Variants in JMJD1C observed in about 807,000 individuals in gnomAD.
JMJD1C encodes the protein jumonji domain containing 1C.
A neutral mutation model predicts 245.3 loss-of-function variants in JMJD1C; 31 were observed. The ratio of observed to expected loss-of-function variants is 0.13; its 90% confidence interval spans 0.09 to 0.17. JMJD1C has a LOEUF of 0.17. Ranked by LOEUF, JMJD1C falls within the 10% of genes least tolerant of loss-of-function variation. JMJD1C has a pLI of 1.00. For missense variants in JMJD1C, 2,691 were observed against 3,000.2 expected (o/e 0.90, Z 2.41); for synonymous variants, 1,057 against 1,017.4 (o/e 1.04, Z -0.74).
At chr10:63,354,738 C>T (rs565979871) in intron 2 of JMJD1C, among the ~76,000 whole-genome samples, 9 of 150,728 alleles carry the variant, frequency 6.0e-5, no homozygotes, top group East Asian at 3.9e-4. Flanking sequence ...ACAGCAGCTG[C>T]GTGTGGTGGC....
At chr10:63,381,804 A>G (rs1947240391) in intron 1 of JMJD1C, among the ~76,000 whole-genome samples, 1 of 152,192 alleles carries the variant, frequency 6.6e-6, no homozygotes, top group Non-Finnish European at 1.5e-5. Context: ...TATCAAGTAA[A>G]GCAATTTACA....
At chr10:63,249,282 CT>C (rs1190356652) in intron 3 of JMJD1C, among the ~76,000 whole-genome samples, 1 of 152,090 alleles carries the variant, frequency 6.6e-6, no homozygotes, top group Non-Finnish European at 1.5e-5. Flanking sequence ...CACCATTGCA[CT>C]TCAGCCTGGG....
chr10:63,377,257 A>T (rs1335093297), intron 2 of JMJD1C, among the ~76,000 whole-genome samples: 1 of 152,176 alleles, frequency 6.6e-6, no homozygotes, highest in African/African-American at 2.4e-5. Context: ...GGGAATAAGG[A>T]ACTGCTCTTT....
At chr10:63,360,924 AC>A (rs1205038010) in intron 2 of JMJD1C, among the ~76,000 whole-genome samples, 8 of 152,106 alleles carry the variant, frequency 5.3e-5, no homozygotes, top group Non-Finnish European at 1.0e-4. Context: ...AGCTGGGATT[AC>A]ATGCGTGAGC....
At chr10:63,413,413 TAA>T (rs1949604439) in intron 1 of JMJD1C, among the ~76,000 whole-genome samples, 1 of 152,214 alleles carries the variant, frequency 6.6e-6, no homozygotes. Context: ...TATTATAGTT[TAA>T]TATGTGTAGA....
rs141640924 is a variant in JMJD1C at position 63,278,596 on chromosome 10, C to T, written c.334-13832G>A. Among the ~76,000 whole-genome samples, 132 of 151,960 alleles carry T rather than the reference C, an allele frequency of 8.7e-4. 1 individual carries two copies. In the South Asian group the frequency reaches 9.4e-3, roughly 11 times the overall value. ...ACTGATTAGTAGTACTGTTGCCGAG[C>T]GTGTGATCCCAGCACCTTTAGGAGG... On this transcript the variant is annotated intron_variant, in intron 2 of 25. Coordinates refer to ENST00000399262, the MANE Select transcript of JMJD1C (RefSeq NM_032776.3).
intron 2 of JMJD1C, among the ~76,000 whole-genome samples, chr10:63,311,887 A>C (rs1939251997): frequency 6.6e-6 from 1 of 152,142 alleles, no homozygotes; most frequent in Non-Finnish European, 1.5e-5. Context: ...GCTGCACGGT[A>C]CATAGTTAGG....
intron 1 of JMJD1C, among the ~76,000 whole-genome samples, chr10:63,440,832 C>T (rs1320071452): frequency 2.0e-5 from 3 of 152,172 alleles, no homozygotes; most frequent in African/African-American, 7.2e-5. Context: ...GTGGTAACTG[C>T]TTCATACAAT....
intron 1 of JMJD1C, 186 bp downstream of exon 1, chr10:63,465,309 G>T: frequency 1.5e-6 from 1 of 649,542 alleles, no homozygotes; most frequent in Non-Finnish European, 2.6e-6. Context: ...CTCCACAGGG[G>T]AAGCCGCTCG....
chr10:63,331,962 G>T (rs904150012), intron 2 of JMJD1C, among the ~76,000 whole-genome samples: 1 of 152,036 alleles, frequency 6.6e-6, no homozygotes, highest in South Asian at 2.1e-4. Flanking sequence ...TATTCCCAGG[G>T]TATACACATA....
At chr10:63,323,623 A>G (rs767969683) in intron 2 of JMJD1C, among the ~76,000 whole-genome samples, 9 of 152,222 alleles carry the variant, frequency 5.9e-5, no homozygotes, top group Non-Finnish European at 1.3e-4. Context: ...TAAGAGCACA[A>G]TAAGGCCAGG....
At chr10:63,503,766 C>T (rs1441646487) in intron 1 of JMJD1C, among the ~76,000 whole-genome samples, 1 of 152,194 alleles carries the variant, frequency 6.6e-6, no homozygotes, top group Non-Finnish European at 1.5e-5. Context: ...CTTTCAGATT[C>T]TCCTGGATAC....
At chr10:63,351,199 C>T (rs1475937856) in intron 2 of JMJD1C, among the ~76,000 whole-genome samples, 1 of 151,616 alleles carries the variant, frequency 6.6e-6, no homozygotes, top group Non-Finnish European at 1.5e-5. Flanking sequence ...CTGCCTCAGC[C>T]TCCTGAGGAG....
intron 1 of JMJD1C, among the ~76,000 whole-genome samples, chr10:63,381,691 A>T (rs1230649533): frequency 6.6e-6 from 1 of 152,226 alleles, no homozygotes; most frequent in Non-Finnish European, 1.5e-5. Flanking sequence ...AAAGGACATT[A>T]ACAAATTCAT....
rs913948372 is a variant in JMJD1C at position 63,488,665 on chromosome 10, G to A, written n.113+33073C>T. Among the ~76,000 whole-genome samples the A allele has an allele frequency of 2.6e-5, 4 of 152,154 alleles. No homozygotes were observed. In the South Asian group the frequency reaches 6.2e-4, roughly 24 times the overall value. ...CAGCAATAAAGAGAAAATAAAAATA[G>A]TGTTTTATATGACTTATATACGAGT... is the stretch of plus-strand genomic sequence containing the variant. On this transcript the variant is annotated intron_variant and non_coding_transcript_variant, in intron 1 of 3. Transcript: ENST00000633035.
In JMJD1C at chr10:63,352,997, C is replaced by T. The variant is rs117012836; in HGVS notation, c.333+27321G>A. ...CAACACTGAACAAAACCAATCCTGACGACTGTATTCATGGGACATACAGTC... is the reference window on the plus strand; with the variant it reads ...CAACACTGAACAAAACCAATCCTGATGACTGTATTCATGGGACATACAGTC... On this transcript the variant is annotated intron_variant, in intron 2 of 25. Coordinates refer to ENST00000399262, the MANE Select transcript of JMJD1C (RefSeq NM_032776.3). Among the ~76,000 whole-genome samples the T allele has an allele frequency of 2.4e-3, 367 of 152,216 alleles. 3 individuals are homozygous for T. The South Asian group carries it at 0.03, about 12-fold the overall frequency.
At chr10:63,520,385 A>G (rs1955171517) in intron 1 of JMJD1C, among the ~76,000 whole-genome samples, 1 of 152,190 alleles carries the variant, frequency 6.6e-6, no homozygotes, top group Non-Finnish European at 1.5e-5. Flanking sequence ...CTCCAAGCCT[A>G]CATTTCATCT....
At chr10:63,331,158 C>T (rs1942097156) in intron 2 of JMJD1C, among the ~76,000 whole-genome samples, 1 of 150,342 alleles carries the variant, frequency 6.7e-6, no homozygotes, top group Admixed American at 6.6e-5. Flanking sequence ...AAAGTTTTTT[C>T]TCTCCTTCAT....
rs1172119737 is a variant in JMJD1C, at chr10:63,168,149, G to C, written c.7534-15C>G. The C allele has an allele frequency of 2.0e-6, 3 of 1,521,626 alleles. No individual in the cohort carries two copies. The highest frequency in any genetic ancestry group is 1.7e-5 in the Admixed American group (1 of 59,802). The allele number at this position is 1,521,626 out of a possible 1,614,324, so 94.3% of individuals were successfully genotyped here. On this transcript the variant is annotated splice_polypyrimidine_tract_variant and intron_variant, in intron 25 of 25. Coordinates refer to ENST00000399262, the MANE Select transcript of JMJD1C (RefSeq NM_032776.3). ...ATATTTTTAACCTGAAAGAGATGTT[G>C]ATATTTCTAATCACTTCAGTTCGAC...
Sources: gnomAD v4.1 joint callset for allele counts (sites outside exome capture counted in the v4.1 genomes callset) on GRCh38, gnomAD v4.1.1 for gene constraint, MANE v1.5 for transcripts, NCBI Gene and HGNC (gene_info 2026-07-23, HGNC 2026-07-21) for gene names.